SPOCK1: variants seen among roughly 807,000 people sequenced by gnomAD.
The protein encoded by SPOCK1 is SPARC (osteonectin), cwcv and kazal like domains proteoglycan 1, also known as testican-1.
In SPOCK1, 23 loss-of-function variants were observed where a neutral mutation model predicts 55.3. The ratio of observed to expected loss-of-function variants is 0.42; its 90% confidence interval spans 0.30 to 0.59. SPOCK1 has a LOEUF of 0.59. Among genes scored for constraint, SPOCK1 ranks in the 20% least tolerant of loss-of-function variants. SPOCK1 has a pLI of 0.22. For synonymous variants in SPOCK1, 226 were observed against 221.0 expected (o/e 1.02, Z -0.20); for missense variants, 499 against 552.5 (o/e 0.90, Z 0.97).
At chr5:137,057,679 C>A (rs1437848893) in intron 6 of SPOCK1, among the ~76,000 whole-genome samples, 3 of 152,324 alleles carry the variant, frequency 2.0e-5, no homozygotes, top group East Asian at 3.9e-4. Flanking sequence ...GCCTAGCTCC[C>A]AATACACCAC....
At chr5:137,305,255 G>A (rs1580857260) in intron 2 of SPOCK1, among the ~76,000 whole-genome samples, 1 of 152,172 alleles carries the variant, frequency 6.6e-6, no homozygotes, top group African/African-American at 2.4e-5. Flanking sequence ...CGGCCACCCT[G>A]GGTGTTTGCC....
At chr5:137,117,348 T>C (rs188363571) in intron 4 of SPOCK1, among the ~76,000 whole-genome samples, 2 of 152,382 alleles carry the variant, frequency 1.3e-5, no homozygotes, top group Admixed American at 1.3e-4. Context: ...GCTGACCCTG[T>C]AAACTTCATC....
intron 2 of SPOCK1, among the ~76,000 whole-genome samples, chr5:137,416,383 T>G (rs954735512): frequency 6.6e-6 from 1 of 152,108 alleles, no homozygotes; most frequent in East Asian, 1.9e-4. Context: ...ACTCTGGAAA[T>G]GGTAACTACA....
chr5:137,382,282 T>C (rs1751486956), intron 2 of SPOCK1, among the ~76,000 whole-genome samples: 1 of 152,184 alleles, frequency 6.6e-6, no homozygotes, highest in African/African-American at 2.4e-5. Flanking sequence ...ATTCAACAAG[T>C]CTCTAGGAAG....
intron 9 of SPOCK1, among the ~76,000 whole-genome samples, chr5:136,980,052 CT>C (rs1292556637): frequency 6.6e-6 from 1 of 152,078 alleles, no homozygotes; most frequent in East Asian, 1.9e-4. Context: ...CAAGCTATTC[CT>C]TGTCACTGTC....
At position 137,334,899 on chromosome 5, in the gene SPOCK1, C is replaced by A. The variant is rs368937148; in HGVS notation, c.187-67844G>T. Among the ~76,000 whole-genome samples the A allele has an allele frequency of 2.2e-3, 341 of 152,096 alleles. 5 individuals carry two copies. The highest frequency in any genetic ancestry group is 7.4e-3 in the African/African-American group (308 of 41,412). ...TGATATTTGCACTTTGGTGTTGCACCCAAGGGCGTACCCGTCACTAAGGGG... is the reference window on the plus strand; with the variant it reads ...TGATATTTGCACTTTGGTGTTGCACACAAGGGCGTACCCGTCACTAAGGGG... On this transcript the variant is annotated intron_variant, in intron 2 of 10. Coordinates refer to ENST00000394945, the MANE Select transcript of SPOCK1 (RefSeq NM_004598.4).
At chr5:137,029,456 C>T (rs897504259) in intron 6 of SPOCK1, among the ~76,000 whole-genome samples, 4 of 152,160 alleles carry the variant, frequency 2.6e-5, no homozygotes, top group African/African-American at 9.7e-5. Flanking sequence ...TACAAAAACC[C>T]TTGTGCGGCA....
At chr5:137,293,872 C>T (rs534622191) in intron 2 of SPOCK1, among the ~76,000 whole-genome samples, 7 of 152,268 alleles carry the variant, frequency 4.6e-5, no homozygotes, top group African/African-American at 1.7e-4. Flanking sequence ...AAAAAATTAG[C>T]CGGGCGTGGT....
chr5:137,470,054 C>T (rs1753703828), intron 2 of SPOCK1, among the ~76,000 whole-genome samples: 1 of 152,174 alleles, frequency 6.6e-6, no homozygotes, highest in Admixed American at 6.5e-5. Context: ...GCTCCACCTC[C>T]CTTAGAAAGA....
At chr5:137,014,036 A>G (rs758057963) in intron 6 of SPOCK1, among the ~76,000 whole-genome samples, 33 of 152,090 alleles carry the variant, frequency 2.2e-4, no homozygotes, top group Admixed American at 5.2e-4. Context: ...CAGTGCTGAC[A>G]ATGGGGTCTG....
intron 2 of SPOCK1, among the ~76,000 whole-genome samples, chr5:137,280,434 A>G (rs1727035245): frequency 6.6e-6 from 1 of 152,246 alleles, no homozygotes; most frequent in Admixed American, 6.5e-5. Flanking sequence ...TAAATAAAGT[A>G]GGAGCAATTT....
intron 3 of SPOCK1, among the ~76,000 whole-genome samples, chr5:137,255,017 T>C (rs1473048747): frequency 6.6e-6 from 1 of 152,238 alleles, no homozygotes; most frequent in East Asian, 1.9e-4. Flanking sequence ...CCATTCTTCC[T>C]GATATTGTCA....
intron 3 of SPOCK1, among the ~76,000 whole-genome samples, chr5:137,260,808 T>A (rs989325772): frequency 4.6e-5 from 7 of 152,188 alleles, no homozygotes; most frequent in African/African-American, 1.4e-4. Context: ...AAACTTTTTT[T>A]AAATAGGACT....
intron 4 of SPOCK1, among the ~76,000 whole-genome samples, chr5:137,127,485 C>G (rs984215864): frequency 6.6e-6 from 1 of 152,246 alleles, no homozygotes; most frequent in African/African-American, 2.4e-5. Flanking sequence ...CTCAATGGGT[C>G]CAGAAGGTGA....
chr5:137,011,525 A>T (rs1751348229), intron 6 of SPOCK1, among the ~76,000 whole-genome samples: 1 of 152,150 alleles, frequency 6.6e-6, no homozygotes, highest in South Asian at 2.1e-4. Context: ...AAGCCCAGAG[A>T]CAGAATTCTA....
chr5:137,113,141 C>G (rs753000858), intron 4 of SPOCK1, among the ~76,000 whole-genome samples: 1 of 152,202 alleles, frequency 6.6e-6, no homozygotes, highest in Non-Finnish European at 1.5e-5. Context: ...GAGGTGATGT[C>G]ACTTTCAACT....
intron 5 of SPOCK1, 65 bp downstream of exon 5, chr5:137,112,370 A>G: frequency 6.4e-7 from 1 of 1,572,304 alleles, no homozygotes; most frequent in Non-Finnish European, 8.6e-7. Flanking sequence ...GTTTTGGCAT[A>G]GAGAAGTGTT....
At chr5:137,000,711 C>T (rs1307520596) in intron 6 of SPOCK1, among the ~76,000 whole-genome samples, 1 of 152,172 alleles carries the variant, frequency 6.6e-6, no homozygotes, top group Non-Finnish European at 1.5e-5. Flanking sequence ...CTGCTTAGCA[C>T]AGTCATTCTG....
chr5:137,093,048 TA>T (rs1753078241), intron 5 of SPOCK1, among the ~76,000 whole-genome samples: 1 of 152,172 alleles, frequency 6.6e-6, no homozygotes, highest in Admixed American at 6.5e-5. Flanking sequence ...ATTAACCCAT[TA>T]AAACATTAAC....
Sources: gnomAD v4.1 joint callset for allele counts (sites outside exome capture counted in the v4.1 genomes callset) on GRCh38, gnomAD v4.1.1 for gene constraint, MANE v1.5 for transcripts, NCBI Gene and HGNC (gene_info 2026-07-23, HGNC 2026-07-21) for gene names.